The following ATP8B3 variants were observed in gnomAD, a reference collection of about 807,000 sequenced individuals.
The protein encoded by ATP8B3 is ATPase phospholipid transporting 8B3.
A neutral mutation model predicts 140.9 loss-of-function variants in ATP8B3; 141 were observed. That is an observed-to-expected ratio of 1.00 (90% CI 0.87 to 1.15). The LOEUF (loss-of-function observed/expected upper bound fraction) is 1.15, where lower values mean the gene tolerates loss of function less well. Among genes scored for constraint, ATP8B3 ranks in the 50% most tolerant of loss-of-function variants. ATP8B3 has a pLI of 0.00. For missense variants in ATP8B3, 1,874 were observed against 1,740.6 expected (o/e 1.08, Z -1.36); for synonymous variants, 765 against 714.6 (o/e 1.07, Z -1.13).
Position 1,805,319 on chromosome 19 carries a change from A to C in ATP8B3, c.904+55T>G. ...AGTAATAACAACAACAAAATACCCT[A>C]ACTTTTAACTTTTACAGATTCGAGG... On this transcript the variant is annotated intron_variant, in intron 10 of 28. Coordinates refer to ENST00000310127, the MANE Select transcript of ATP8B3 (RefSeq NM_138813.4). The surrounding 1 kb of genome is among the most constrained non-coding windows in gnomAD (Gnocchi z 5.2). 6.8e-7 allele frequency: 1 copy of C among 1,473,294 alleles called. No individual in the cohort carries two copies. Among genetic ancestry groups the C allele is most frequent in the East Asian group, 2.5e-5 (1 of 40,560 alleles). 91.3% of individuals were successfully genotyped at this position (1,473,294 alleles called of 1,614,324 possible). A position where few individuals can be genotyped will look rare whatever the true frequency, so the allele number is the denominator to read the frequency against.
chr19:1,804,170 G>A (rs570708250), intron 10 of ATP8B3, among the ~76,000 whole-genome samples: 2 of 152,244 alleles, frequency 1.3e-5, no homozygotes, highest in East Asian at 1.9e-4. Flanking sequence ...TCCACATCAC[G>A]TGTGAAACAT....
chr19:1,804,571 G>T (rs1212648108), intron 10 of ATP8B3, among the ~76,000 whole-genome samples: 2 of 151,456 alleles, frequency 1.3e-5, no homozygotes, highest in South Asian at 4.2e-4. Context: ...TTGCGCCACT[G>T]CACTCCAGCC....
chr19:1,786,246 C>T (rs113514002), intron 25 of ATP8B3, among the ~76,000 whole-genome samples: 3,606 of 151,938 alleles, frequency 0.024, 66 homozygotes, highest in Non-Finnish European at 0.037. Context: ...GGGCAGTTTA[C>T]GTGATTTGTA....
chr19:1,805,852 C>T lies in ATP8B3; in HGVS notation c.821+36G>A, dbSNP rs773034668. 5 of 1,610,094 alleles carry T rather than the reference C, an allele frequency of 3.1e-6. No homozygotes were observed. The highest frequency in any genetic ancestry group is 3.3e-5 in the Admixed American group (2 of 59,988). On this transcript the variant is annotated intron_variant, in intron 9 of 28. Coordinates refer to ENST00000310127, the MANE Select transcript of ATP8B3 (RefSeq NM_138813.4). The surrounding 1 kb of genome is among the most constrained non-coding windows in gnomAD (Gnocchi z 5.2). ...GGGCTCCTCCGGGCCATGCTCCCCA[C>T]CCCCCAGGGTCCCCAGCGATGCCAC...
rs748326634 is a variant in ATP8B3, at chr19:1,807,809, C to T, written c.516+413G>A. 4.6e-5 allele frequency among the ~76,000 whole-genome samples: 7 copies of T among 152,294 alleles called. No homozygotes were observed. Among genetic ancestry groups the T allele is most frequent in the Non-Finnish European group, 8.8e-5 (6 of 68,052 alleles). ...ATGCCGGCCCCACGCTGGCCTGGAC[C>T]ACCCAGGTACCGGGAAGTGGCTCCA... On this transcript the variant is annotated intron_variant, in intron 5 of 28. Transcript: ENST00000310127. The surrounding 1 kb of genome is among the most constrained non-coding windows in gnomAD (Gnocchi z 5.9).
rs373340155 is a variant in ATP8B3, at chr19:1,788,892, C to A, written c.3069+5G>T. On this transcript the variant is annotated splice_donor_5th_base_variant and intron_variant, in intron 24 of 28. Transcript: ENST00000310127. ...GTCATGGGGCAGCCAGGGTGGGGGA[C>A]GCACCTGGCCGGTGAAGCCGTTGTA... 4.4e-6 allele frequency: 7 copies of A among 1,578,946 alleles called. No homozygotes were observed. In the African/African-American group the frequency reaches 9.4e-5, roughly 21 times the overall value.
In ATP8B3 at chr19:1,789,619, C is replaced by A; in HGVS notation, c.2587G>T (p.Ala863Ser). 8 of 1,592,894 alleles carry A rather than the reference C, an allele frequency of 5.0e-6. No individual in the cohort carries two copies. Among genetic ancestry groups the A allele is most frequent in the South Asian group, 2.3e-5 (2 of 88,724 alleles). Reference protein sequence around the residue: ...LGQSRRDFLYARRLSLLCRRF... With the variant: ...LGQSRRDFLYSRRLSLLCRRF... ...CGGCACAGCAGGGACAGGCGCCTGG[C>A]GTAGAGGAAATCCCTCCTGGACTGG... Residue 863 changes from alanine (A) to serine (S), a missense_variant, in exon 23 of 29, where the codon GCC becomes TCC. Coordinates refer to ENST00000310127, the MANE Select transcript of ATP8B3 (RefSeq NM_138813.4).
chr19:1,808,306 G>T lies in ATP8B3; in HGVS notation c.432C>A (p.Asn144Lys). 1 of 1,612,912 alleles carries T rather than the reference G, an allele frequency of 6.2e-7. No individual in the cohort carries two copies. Among genetic ancestry groups the T allele is most frequent in the Non-Finnish European group, 8.5e-7 (1 of 1,179,560 alleles). Residue 144 changes from asparagine to lysine, a missense_variant, in exon 5 of 29, where the codon AAC becomes AAA. Physicochemically the swap from Asn to Lys is moderately conservative, Grantham distance 94. Coordinates refer to ENST00000310127, the MANE Select transcript of ATP8B3 (RefSeq NM_138813.4). ...GGTTCAGCGGCAGGAACGAGTAGAA[G>T]TTGTACTTGGCCGTGCGGATGACAT... Reference protein sequence around the residue: ...KTNVIRTAKYNFYSFLPLNLY... With the variant: ...KTNVIRTAKYKFYSFLPLNLY...
chr19:1,792,747 A>G (rs561234136), intron 18 of ATP8B3, among the ~76,000 whole-genome samples: 79 of 151,742 alleles, frequency 5.2e-4, no homozygotes, highest in African/African-American at 1.9e-3. Flanking sequence ...CCGCGTCTCC[A>G]CTCGAAACAC....
chr19:1,799,467 A>C, intron 14 of ATP8B3: 1 of 175,536 alleles, frequency 5.7e-6, no homozygotes, highest in Non-Finnish European at 1.1e-5. Context: ...CTCAGAGAGA[A>C]AAAAAAAAAA....
At chr19:1,791,676 A>C in intron 20 of ATP8B3, 74 bp downstream of exon 20, 2 of 1,166,974 alleles carry the variant, frequency 1.7e-6, no homozygotes, top group Admixed American at 3.7e-5. Flanking sequence ...GACAGGTGTG[A>C]GCCTTCAAAC....
intron 18 of ATP8B3, among the ~76,000 whole-genome samples, chr19:1,792,528 T>G (rs1468541272): frequency 7.1e-6 from 1 of 140,270 alleles, no homozygotes; most frequent in East Asian, 2.0e-4. Flanking sequence ...TGCAGCGAGC[T>G]GAGATCACAC....
In ATP8B3 at chr19:1,811,500, C is replaced by T; in HGVS notation, c.237G>A (p.Trp79Ter). The T allele has an allele frequency of 6.2e-7, 1 of 1,611,826 alleles. No individual in the cohort carries two copies. The highest frequency in any genetic ancestry group is 8.5e-7 in the Non-Finnish European group (1 of 1,179,666). ...GCACCCGTCCTCACCCTTCTGGTCT[C>T]CATTCATACTTCCTAGCCCGGCCAG... The part of the protein sequence containing the change: ...AQPGRARKYE[W>*]RPEGPTSMGS... The change falls in exon 2 of 29, where the codon TGG becomes TGA. Residue 79 changes from tryptophan (W) to a stop codon, truncating the protein, a stop_gained. Transcript: ENST00000310127. LOFTEE classifies it high-confidence loss of function.
In ATP8B3 at chr19:1,795,842, CACACAT is replaced by C. The variant is rs749240383; in HGVS notation, c.2055+27_2055+32del. The C allele has an allele frequency of 5.0e-4, 598 of 1,188,086 alleles. 11 individuals are homozygous for C. The African/African-American group carries it at 7.2e-3, about 14-fold the overall frequency. 73.6% of individuals were successfully genotyped at this position (1,188,086 alleles called of 1,614,324 possible). A position where few individuals can be genotyped will look rare whatever the true frequency, so the allele number is the denominator to read the frequency against. ...ACACACACACACACACACACACACACACACATAAGCCAGCCTTCCTGAAGGGACTCA... is the reference window on the plus strand; with the variant it reads ...ACACACACACACACACACACACACACAAGCCAGCCTTCCTGAAGGGACTCA... On this transcript the variant is annotated intron_variant, in intron 18 of 28. Coordinates refer to ENST00000310127, the MANE Select transcript of ATP8B3 (RefSeq NM_138813.4).
intron 10 of ATP8B3, among the ~76,000 whole-genome samples, chr19:1,804,212 G>A (rs754250315): frequency 5.3e-5 from 8 of 152,292 alleles, no homozygotes; most frequent in South Asian, 4.1e-4. Flanking sequence ...CCGTCAAGCA[G>A]GCCGGGTGTG....
chr19:1,792,594 A>AAAAT (rs2068547902), intron 18 of ATP8B3, among the ~76,000 whole-genome samples: 1 of 149,210 alleles, frequency 6.7e-6, no homozygotes, highest in Non-Finnish European at 1.5e-5. Flanking sequence ...AAAAAAAAAA[A>AAAAT]AATAGAAAAA....
rs1275563979 is a variant in ATP8B3, at chr19:1,782,727, C to T, written c.*301G>A. On this transcript the variant is annotated 3_prime_UTR_variant, in exon 29 of 29. Coordinates refer to ENST00000310127, the MANE Select transcript of ATP8B3 (RefSeq NM_138813.4). ...CTTTCTCTGTGCAACAGTGATTTCTCCTGAAAAGAATGTGACCTCTCCTTG... is the reference window on the plus strand; with the variant it reads ...CTTTCTCTGTGCAACAGTGATTTCTTCTGAAAAGAATGTGACCTCTCCTTG... The T allele has an allele frequency of 1.0e-5, 4 of 401,616 alleles. No homozygotes were observed. In the East Asian group the frequency reaches 2.0e-4, roughly 20 times the overall value. 24.9% of individuals were successfully genotyped at this position (401,616 alleles called of 1,614,324 possible). A position where few individuals can be genotyped will look rare whatever the true frequency, so the allele number is the denominator to read the frequency against.
At chr19:1,795,412 G>A in intron 18 of ATP8B3, among the ~76,000 whole-genome samples, 1 of 152,144 alleles carries the variant, frequency 6.6e-6, no homozygotes. Flanking sequence ...TTAGCTGGGT[G>A]CACTGGCGTG....
In ATP8B3 at chr19:1,802,039, C is replaced by G. The variant is rs1265708488; in HGVS notation, c.1069G>C (p.Asp357His). 2.2e-5 allele frequency: 36 copies of G among 1,610,386 alleles called. No homozygotes were observed. The highest frequency in any genetic ancestry group is 2.7e-5 in the Non-Finnish European group (32 of 1,179,126). ...CCACAGTTCTTCATAATTTTTGTGT[C>G]AAAACCTACAAACATGTATCCATCT... is the stretch of plus-strand genomic sequence containing the variant. ...CYGLVIYAGF[D>H]TKIMKNCGKI... Residue 357 changes from aspartate (D) to histidine (H), a missense_variant, in exon 12 of 29, where the codon GAC (aspartate) becomes CAC (histidine). This residue lies in a region of ATP8B3 where 1,032 missense variants were observed against 963.6 expected (regional missense o/e 1.07). Coordinates refer to ENST00000310127, the MANE Select transcript of ATP8B3 (RefSeq NM_138813.4).
Sources: gnomAD v4.1 joint callset for allele counts (sites outside exome capture counted in the v4.1 genomes callset) on GRCh38, gnomAD v4.1.1 for gene constraint, gnomAD v4.1.1 regional missense constraint, Gnocchi (gnomAD v3.1) non-coding constraint, MANE v1.5 for transcripts, NCBI Gene and HGNC (gene_info 2026-07-23, HGNC 2026-07-21) for gene names.